The following DOCK9 variants were observed in gnomAD, a reference collection of about 807,000 sequenced individuals.
DOCK9 encodes dedicator of cytokinesis protein 9.
A neutral mutation model predicts 263.3 loss-of-function variants in DOCK9; 89 were observed. The observed-to-expected ratio is 0.34, with a 90% CI of 0.28 to 0.40. DOCK9 has a LOEUF of 0.40. Among genes scored for constraint, DOCK9 ranks in the 10% least tolerant of loss-of-function variants. The probability of loss-of-function intolerance (pLI) is 1.00; values close to 1 mark genes in which losing one functional copy is unlikely to be tolerated. For synonymous variants in DOCK9, 976 were observed against 973.1 expected (o/e 1.00, Z -0.06); for missense variants, 2,140 against 2,603.4 (o/e 0.82, Z 3.87).
chr13:98,927,090 G>A (rs896387931), intron 3 of DOCK9, among the ~76,000 whole-genome samples: 1 of 152,248 alleles, frequency 6.6e-6, no homozygotes, highest in African/African-American at 2.4e-5. Flanking sequence ...GTGATGTGAA[G>A]GTAATGTAAG....
chr13:98,857,046 C>T (rs1339625334), intron 33 of DOCK9: 17 of 152,246 alleles, frequency 1.1e-4, no homozygotes, highest in Non-Finnish European at 2.9e-5. Flanking sequence ...AATAGATTGA[C>T]TTCCTGCTTA....
chr13:98,807,491 G>A (rs2090862776), intron 48 of DOCK9, among the ~76,000 whole-genome samples, 170 bp downstream of exon 48: 1 of 152,184 alleles, frequency 6.6e-6, no homozygotes, highest in Non-Finnish European at 1.5e-5. Flanking sequence ...TTAATGTCAA[G>A]CATGTAATGG....
chr13:98,964,942 A>C (rs986702607), intron 1 of DOCK9, among the ~76,000 whole-genome samples: 1 of 151,806 alleles, frequency 6.6e-6, no homozygotes, highest in African/African-American at 2.4e-5. Flanking sequence ...AGAGAGCAAC[A>C]CTCCTCACAA....
chr13:98,881,366 A>G (rs1204214813), intron 25 of DOCK9, among the ~76,000 whole-genome samples, 192 bp downstream of exon 25: 1 of 152,248 alleles, frequency 6.6e-6, no homozygotes, highest in Non-Finnish European at 1.5e-5. Context: ...AATGGAATTA[A>G]GTAAATTAGT....
intron 27 of DOCK9, among the ~76,000 whole-genome samples, chr13:98,873,662 C>T (rs2094248750): frequency 6.6e-6 from 1 of 152,132 alleles, no homozygotes; most frequent in African/African-American, 2.4e-5. Context: ...GGTGGTGAAC[C>T]CAGTTAGATC....
At chr13:98,901,519 T>C (rs1328053204) in intron 13 of DOCK9, among the ~76,000 whole-genome samples, 17 of 152,250 alleles carry the variant, frequency 1.1e-4, no homozygotes, top group African/African-American at 4.1e-4. Flanking sequence ...GAAAGTTTAC[T>C]ATTAAGCTGG....
chr13:98,860,725 G>A (rs1300451324), intron 32 of DOCK9, among the ~76,000 whole-genome samples: 2 of 142,972 alleles, frequency 1.4e-5, no homozygotes, highest in Non-Finnish European at 3.0e-5. Context: ...ATGGGATATG[G>A]ATGCTGGGTG....
intron 1 of DOCK9, among the ~76,000 whole-genome samples, chr13:99,023,469 G>C (rs572351152): frequency 1.4e-4 from 22 of 152,378 alleles, no homozygotes; most frequent in African/African-American, 5.0e-4. Flanking sequence ...GTTGCCAGGT[G>C]CTGGGAGAAG....
At chr13:98,880,729 G>A in intron 25 of DOCK9, 57 bp from the exon 26 acceptor site, 1 of 1,586,066 alleles carries the variant, frequency 6.3e-7, no homozygotes, top group South Asian at 1.1e-5. Context: ...TGGGCTGAAA[G>A]CTTGAGAGAC....
At chr13:98,856,393 G>C (rs557138425) in intron 33 of DOCK9, 1 of 173,562 alleles carries the variant, frequency 5.8e-6, no homozygotes, top group Non-Finnish European at 1.2e-5. Context: ...CAAACTTGTA[G>C]CATTCAAACT....
chr13:98,980,289 C>G (rs1266933884), upstream of DOCK9, among the ~76,000 whole-genome samples: 1 of 152,206 alleles, frequency 6.6e-6, no homozygotes, highest in Non-Finnish European at 1.5e-5. Flanking sequence ...TGGCTATGGC[C>G]CATGCCTGTT....
At chr13:98,965,909 C>T (rs554259568) in intron 1 of DOCK9, among the ~76,000 whole-genome samples, 2 of 152,154 alleles carry the variant, frequency 1.3e-5, no homozygotes, top group African/African-American at 2.4e-5. Flanking sequence ...AACACTAACA[C>T]GATGTTGAAT....
intron 27 of DOCK9, among the ~76,000 whole-genome samples, chr13:98,870,194 C>A (rs1038165776): frequency 6.6e-6 from 1 of 152,184 alleles, no homozygotes; most frequent in Non-Finnish European, 1.5e-5. Flanking sequence ...ATGCCAGAAC[C>A]TATTAGGAAT....
At chr13:98,902,190 C>T (rs1462833331) in intron 12 of DOCK9, 98 bp downstream of exon 12, 7 of 1,293,312 alleles carry the variant, frequency 5.4e-6, no homozygotes, top group Admixed American at 4.7e-5. Context: ...AATGACCCCA[C>T]TTGTGCATTA....
At chr13:98,920,841 AT>A in intron 7 of DOCK9, 112 bp downstream of exon 7, 1 of 1,025,324 alleles carries the variant, frequency 9.8e-7, no homozygotes, top group Non-Finnish European at 1.4e-6. Flanking sequence ...TATATGTTAT[AT>A]TTCTACCATG....
At chr13:98,970,430 C>T (rs1286498561) in intron 1 of DOCK9, among the ~76,000 whole-genome samples, 2 of 152,238 alleles carry the variant, frequency 1.3e-5, no homozygotes, top group East Asian at 1.9e-4. Context: ...GCAGCCACTG[C>T]TACTACCTCT....
intron 9 of DOCK9, among the ~76,000 whole-genome samples, chr13:98,910,345 T>C (rs2049807733): frequency 6.6e-6 from 1 of 152,186 alleles, no homozygotes; most frequent in Non-Finnish European, 1.5e-5. Flanking sequence ...CAATAAAAAT[T>C]GTTTGGTTCC....
At chr13:98,830,708 T>A (rs1181759371) in intron 41 of DOCK9, among the ~76,000 whole-genome samples, 1 of 152,220 alleles carries the variant, frequency 6.6e-6, no homozygotes, top group Non-Finnish European at 1.5e-5. Flanking sequence ...GTCACACTTG[T>A]ACTCTCAGAG....
chr13:98,989,346 G>GATA (rs777442315), intron 1 of DOCK9, among the ~76,000 whole-genome samples: 3,445 of 59,882 alleles, frequency 0.058, 73 homozygotes, highest in East Asian at 0.072. Flanking sequence ...TGATGATGAT[G>GATA]ATAATAATAA....
Sources: gnomAD v4.1 joint callset for allele counts (sites outside exome capture counted in the v4.1 genomes callset) on GRCh38, gnomAD v4.1.1 for gene constraint, MANE v1.5 for transcripts, NCBI Gene and HGNC (gene_info 2026-07-23, HGNC 2026-07-21) for gene names.